The following HTR6 variants were observed in gnomAD, a reference collection of about 807,000 sequenced individuals.
HTR6 encodes 5-hydroxytryptamine (serotonin) receptor 6, G protein-coupled.
HTR6 carries 15 observed loss-of-function variants against 17.4 expected under a neutral mutation model. The observed-to-expected ratio is 0.86, with a 90% CI of 0.58 to 1.33. The LOEUF (loss-of-function observed/expected upper bound fraction) is 1.33. Ranked by LOEUF, HTR6 falls within the 40% of genes most tolerant of loss-of-function variation. HTR6 has a pLI of 0.00. For missense variants in HTR6, 578 were observed against 616.0 expected, an observed-to-expected ratio of 0.94 and a Z score of 0.65; for synonymous variants, 326 against 295.5, an observed-to-expected ratio of 1.10 and a Z score of -1.06.
Position 19,680,027 on chromosome 1 carries a change from C to G in HTR6, c.*659C>G, listed in dbSNP as rs1375680277. ...TGTGGCAGCAGCTGCACCTGGGAGG[C>G]AGGCAGGCATGCATGTGGGCCTCTG... On this transcript the variant is annotated 3_prime_UTR_variant, in exon 3 of 3. Transcript: ENST00000289753. Among the ~76,000 whole-genome samples, 3 of 152,204 alleles carry G rather than the reference C, an allele frequency of 2.0e-5. No homozygotes were observed. Among genetic ancestry groups the G allele is most frequent in the Admixed American group, 6.5e-5 (1 of 15,286 alleles).
chr1:19,673,726 T>C (rs1037250757), intron 1 of HTR6, among the ~76,000 whole-genome samples: 2 of 151,970 alleles, frequency 1.3e-5, no homozygotes, highest in African/African-American at 4.8e-5. Flanking sequence ...ATAAATAAAA[T>C]TAATTGCACA....
chr1:19,675,052 G>A (rs2095092673), intron 1 of HTR6, among the ~76,000 whole-genome samples: 1 of 152,202 alleles, frequency 6.6e-6, no homozygotes, highest in African/African-American at 2.4e-5. Context: ...AGGGCCTCTT[G>A]CTGACAGTGG....
chr1:19,677,327 C>A (rs943499380), intron 1 of HTR6, among the ~76,000 whole-genome samples: 20 of 152,124 alleles, frequency 1.3e-4, no homozygotes, highest in African/African-American at 4.8e-4. Flanking sequence ...GCTCAGAGAG[C>A]CCTTTGGGAC....
In HTR6 at chr1:19,679,793, C is replaced by T. The variant is rs79213035; in HGVS notation, c.*425C>T. On this transcript the variant is annotated 3_prime_UTR_variant, in exon 3 of 3. Coordinates refer to ENST00000289753, the MANE Select transcript of HTR6 (RefSeq NM_000871.3). The surrounding 1 kb of genome is among the most constrained non-coding windows in gnomAD (Gnocchi z 4.9). ...ACTCACAGTGTAGTCCATGGACAAT[C>T]GGCATTGCCGTCACCTTTGGGAGTT... Among the ~76,000 whole-genome samples the T allele has an allele frequency of 0.018, 2,709 of 152,324 alleles. 29 individuals are homozygous for T. Among genetic ancestry groups the T allele is most frequent in the Middle Eastern group, 0.034 (10 of 294 alleles).
At chr1:19,675,246 C>G (rs1175353940) in intron 1 of HTR6, among the ~76,000 whole-genome samples, 1 of 152,184 alleles carries the variant, frequency 6.6e-6, no homozygotes, top group African/African-American at 2.4e-5. Flanking sequence ...GTTGTCTCAT[C>G]TGCAAAATGG....
rs201944154 is a variant in HTR6, at chr1:19,679,173, G to A, written c.1128G>A (p.Pro376=). 9 of 1,592,350 alleles carry A rather than the reference G, an allele frequency of 5.7e-6. No homozygotes were observed. The highest frequency in any genetic ancestry group is 1.7e-4 in the Middle Eastern group (1 of 6,020). The change falls in exon 3 of 3, where the codon CCG becomes CCA. Residue 376 remains proline, a synonymous_variant. Coordinates refer to ENST00000289753, the MANE Select transcript of HTR6 (RefSeq NM_000871.3). This position sits in a 1 kb window ranked among gnomAD's most constrained non-coding sequence, Gnocchi z 4.9. ...LQQVLPLPLP[P]DSDSDSDAGS... ...AGGTGCTGCCGCTGCCCCTGCCGCCGGACTCAGATTCGGACTCAGACGCAG... is the reference window on the plus strand; with the variant it reads ...AGGTGCTGCCGCTGCCCCTGCCGCCAGACTCAGATTCGGACTCAGACGCAG...
intron 1 of HTR6, among the ~76,000 whole-genome samples, chr1:19,673,302 A>G (rs1042710140): frequency 1.3e-5 from 2 of 152,264 alleles, no homozygotes; most frequent in Non-Finnish European, 2.9e-5. Context: ...AGATGAAGTA[A>G]CTTGCTTAAG....
Position 19,679,632 on chromosome 1 carries a change from T to C in HTR6, c.*264T>C. The C allele has an allele frequency of 2.2e-6, 1 of 464,622 alleles. No individual in the cohort carries two copies. Among genetic ancestry groups the C allele is most frequent in the Admixed American group, 3.8e-5 (1 of 26,570 alleles). 28.8% of individuals were successfully genotyped at this position (464,622 alleles called of 1,614,324 possible). ...GTGCAGAGGATGGGCTGGAGGACTC[T>C]GGATGTTGGGGAGAAGGACCTCTTG... is the stretch of plus-strand genomic sequence containing the variant. On this transcript the variant is annotated 3_prime_UTR_variant, in exon 3 of 3. Coordinates refer to ENST00000289753, the MANE Select transcript of HTR6 (RefSeq NM_000871.3). This position sits in a 1 kb window ranked among gnomAD's most constrained non-coding sequence, Gnocchi z 4.9.
chr1:19,666,525 T>G lies in HTR6; in HGVS notation c.714+58T>G. On this transcript the variant is annotated intron_variant, in intron 1 of 2. Coordinates refer to ENST00000289753, the MANE Select transcript of HTR6 (RefSeq NM_000871.3). This position sits in a 1 kb window ranked among gnomAD's most constrained non-coding sequence, Gnocchi z 4.5. ...GGGATAGAGAGGAATGAGCAGCCCC[T>G]GGGGACCCCCTGGGCATCCCCACTT... The G allele has an allele frequency of 5.3e-6, 7 of 1,327,038 alleles. No homozygotes were observed. Among genetic ancestry groups the G allele is most frequent in the Non-Finnish European group, 7.2e-6 (7 of 973,336 alleles). The allele number at this position is 1,327,038 out of a possible 1,614,324, so 82.2% of individuals were successfully genotyped here. A position where few individuals can be genotyped will look rare whatever the true frequency, so the allele number is the denominator to read the frequency against.
rs1414850554 is a variant in HTR6, at chr1:19,665,305, C to G, written c.-449C>G. On this transcript the variant is annotated 5_prime_UTR_variant, in exon 1 of 3. Coordinates refer to ENST00000289753, the MANE Select transcript of HTR6 (RefSeq NM_000871.3). This position sits in a 1 kb window ranked among gnomAD's most constrained non-coding sequence, Gnocchi z 4.2. The stretch of plus-strand genomic sequence containing the variant: ...GCTCCGGCCCGAGAGCGCCCATTCA[C>G]CCCCCTCACCCACCTCCCCGCGTTC... 6.4e-6 allele frequency: 1 copy of G among 157,004 alleles called. No individual in the cohort carries two copies. The highest frequency in any genetic ancestry group is 1.9e-4 in the East Asian group (1 of 5,254). The allele number at this position is 157,004 out of a possible 1,614,324, so 9.7% of individuals were successfully genotyped here.
chr1:19,672,282 C>A (rs1018051386), intron 1 of HTR6, among the ~76,000 whole-genome samples: 2 of 152,096 alleles, frequency 1.3e-5, no homozygotes, highest in East Asian at 1.9e-4. Context: ...TTCCCCTCCC[C>A]CTTCTCCTGT....
rs200134663 is a variant in HTR6 at position 19,679,070 on chromosome 1, G to A, written c.1025G>A (p.Arg342Gln). 3.1e-5 allele frequency: 50 copies of A among 1,613,812 alleles called. No individual in the cohort carries two copies. Among genetic ancestry groups the A allele is most frequent in the African/African-American group, 6.7e-5 (5 of 74,926 alleles). ...GRFLPCPRCP[R>Q]ERQASLASPS... is the part of the protein sequence containing the mutation. ...TTCCTGCCATGTCCACGCTGTCCCCGGGAGCGCCAGGCCAGCCTGGCCTCG... is the reference window on the plus strand; with the variant it reads ...TTCCTGCCATGTCCACGCTGTCCCCAGGAGCGCCAGGCCAGCCTGGCCTCG... Residue 342 changes from arginine to glutamine, a missense_variant, in exon 3 of 3, where the codon CGG (arginine) becomes CAG (glutamine). Physicochemically the swap from Arg to Gln is conservative, Grantham distance 43. Transcript: ENST00000289753. This position sits in a 1 kb window ranked among gnomAD's most constrained non-coding sequence, Gnocchi z 4.9.
intron 1 of HTR6, among the ~76,000 whole-genome samples, chr1:19,672,032 A>G (rs1413048073): frequency 6.6e-6 from 1 of 151,794 alleles, no homozygotes; most frequent in Non-Finnish European, 1.5e-5. Context: ...GGTGGCACTG[A>G]GCCATCCTTG....
At chr1:19,675,949 G>A (rs1374817058) in intron 1 of HTR6, among the ~76,000 whole-genome samples, 2 of 152,124 alleles carry the variant, frequency 1.3e-5, no homozygotes, top group Non-Finnish European at 2.9e-5. Context: ...AACTTGGAAT[G>A]ACTTTGGAGC....
At chr1:19,673,424 G>C (rs2095090650) in intron 1 of HTR6, among the ~76,000 whole-genome samples, 1 of 152,136 alleles carries the variant, frequency 6.6e-6, no homozygotes, top group Non-Finnish European at 1.5e-5. Context: ...AAATTTAATT[G>C]TGGGCTGGGC....
rs201695962 is a variant in HTR6, at chr1:19,666,180, G to T, written c.427G>T (p.Ala143Ser). 27 of 1,610,702 alleles carry T rather than the reference G, an allele frequency of 1.7e-5. No homozygotes were observed. In the East Asian group the frequency reaches 3.6e-4, roughly 21 times the overall value. ...RYKLRMTPLR[A>S]LALVLGAWSL... The stretch of plus-strand genomic sequence containing the variant: ...CAAGCTGCGCATGACGCCCCTGCGT[G>T]CCCTGGCCCTAGTCCTGGGCGCCTG... Residue 143 changes from alanine (A) to serine (S), a missense_variant, in exon 1 of 3, where the codon GCC (alanine) becomes TCC (serine). Ala to Ser is a moderately conservative substitution (Grantham distance 99). Coordinates refer to ENST00000289753, the MANE Select transcript of HTR6 (RefSeq NM_000871.3). This position sits in a 1 kb window ranked among gnomAD's most constrained non-coding sequence, Gnocchi z 4.5.
At chr1:19,668,273 C>G (rs760802999) in intron 1 of HTR6, among the ~76,000 whole-genome samples, 3 of 152,104 alleles carry the variant, frequency 2.0e-5, no homozygotes, top group Admixed American at 6.5e-5. Flanking sequence ...TTTTAAGAGA[C>G]AGGGTCTTGC....
At position 19,680,592 on chromosome 1, in the gene HTR6, G is replaced by C. The variant is rs1315143045; in HGVS notation, c.*1224G>C. On this transcript the variant is annotated 3_prime_UTR_variant, in exon 3 of 3. Transcript: ENST00000289753. ...CTGCCTCTGGCCTTCCCTGGGGTCA[G>C]TGAGAGAAATGGGAATGGTAGCTAC... Among the ~76,000 whole-genome samples the C allele has an allele frequency of 1.3e-5, 2 of 152,254 alleles. No homozygotes were observed. Among genetic ancestry groups the C allele is most frequent in the Non-Finnish European group, 2.9e-5 (2 of 68,048 alleles).
At chr1:19,670,187 C>T (rs1171667843) in intron 1 of HTR6, among the ~76,000 whole-genome samples, 2 of 151,902 alleles carry the variant, frequency 1.3e-5, no homozygotes, top group African/African-American at 4.8e-5. Context: ...GCGGTTCCTT[C>T]TGCTTGGAGT....
Sources: gnomAD v4.1 joint callset for allele counts (sites outside exome capture counted in the v4.1 genomes callset) on GRCh38, gnomAD v4.1.1 for gene constraint, Gnocchi (gnomAD v3.1) non-coding constraint, MANE v1.5 for transcripts, NCBI Gene and HGNC (gene_info 2026-07-23, HGNC 2026-07-21) for gene names.